INSR: variants seen among roughly 807,000 people sequenced by gnomAD.
INSR encodes the protein IR.
INSR carries 67 observed loss-of-function variants against 142.6 expected under a neutral mutation model. The ratio of observed to expected loss-of-function variants is 0.47; its 90% CI spans 0.39 to 0.58. The LOEUF (loss-of-function observed/expected upper bound fraction) is 0.58, where lower values mean the gene tolerates loss of function less well. Ranked by LOEUF, INSR falls within the 20% of genes least tolerant of loss-of-function variation. The pLI, the probability that INSR is intolerant of heterozygous loss-of-function variation, is 0.00. For missense variants in INSR, 1,248 were observed against 1,833.2 expected (o/e 0.68, Z 5.83); for synonymous variants, 756 against 743.1 (o/e 1.02, Z -0.28).
chr19:7,191,698 G>A (rs1159936479), intron 2 of INSR, among the ~76,000 whole-genome samples: 3 of 152,020 alleles, frequency 2.0e-5, no homozygotes, highest in South Asian at 2.1e-4. Flanking sequence ...GTGCACACCC[G>A]TAAACCAATA....
At position 7,174,526 on chromosome 19, in the gene INSR, G is replaced by A; in HGVS notation, c.1123+57C>T. On this transcript the variant is annotated intron_variant, in intron 4 of 21. Transcript: ENST00000302850. ...GCACTGCTTTTCTTCCCCGCTCACA[G>A]CTCAGAGGGACATGGAGCCCAACAG... 18 of 1,601,348 alleles carry A rather than the reference G, an allele frequency of 1.1e-5. No homozygotes were observed. In the South Asian group the frequency reaches 1.7e-4, roughly 15 times the overall value.
intron 1 of INSR, among the ~76,000 whole-genome samples, chr19:7,277,089 C>A (rs565765428): frequency 3.9e-4 from 59 of 152,158 alleles, no homozygotes; most frequent in African/African-American, 1.4e-3. Flanking sequence ...GAGATGAGAA[C>A]TGGGGTCTCT....
intron 2 of INSR, among the ~76,000 whole-genome samples, chr19:7,191,132 A>C (rs1033489159): frequency 6.6e-6 from 1 of 152,026 alleles, no homozygotes; most frequent in Non-Finnish European, 1.5e-5. Flanking sequence ...CCCCATCTCT[A>C]CTAAAAATAC....
chr19:7,250,598 G>GAA (rs1568218241), intron 2 of INSR, among the ~76,000 whole-genome samples: 25 of 118,914 alleles, frequency 2.1e-4, no homozygotes, highest in African/African-American at 7.4e-4. Context: ...AGGAAGGAAG[G>GAA]AGAGGAGGGA....
At chr19:7,144,121 C>T (rs1205980044) in intron 11 of INSR, among the ~76,000 whole-genome samples, 1 of 151,692 alleles carries the variant, frequency 6.6e-6, no homozygotes, top group African/African-American at 2.4e-5. Context: ...TTCCTTTGGA[C>T]AATTTTTTCC....
At chr19:7,204,349 C>T (rs1040877077) in intron 2 of INSR, among the ~76,000 whole-genome samples, 1 of 152,092 alleles carries the variant, frequency 6.6e-6, no homozygotes, top group Non-Finnish European at 1.5e-5. Flanking sequence ...GCCACCATGC[C>T]CAGCCTGGAA....
chr19:7,288,950 GAAAAAAAA>G (rs34590794), intron 1 of INSR, among the ~76,000 whole-genome samples: 1 of 88,694 alleles, frequency 1.1e-5, no homozygotes, highest in Non-Finnish European at 2.2e-5. Context: ...GTGAAGAAGT[GAAAAAAAA>G]AAAAAAAAAA....
At chr19:7,130,391 A>C (rs1215055010) in intron 14 of INSR, among the ~76,000 whole-genome samples, 2 of 152,204 alleles carry the variant, frequency 1.3e-5, no homozygotes, top group East Asian at 3.8e-4. Context: ...AACAGTAGAC[A>C]CCGGGACTGC....
intron 2 of INSR, among the ~76,000 whole-genome samples, chr19:7,217,848 C>T (rs1237432968): frequency 2.0e-5 from 3 of 152,238 alleles, no homozygotes; most frequent in East Asian, 1.9e-4. Flanking sequence ...CGTAAGCCAC[C>T]GCACCCGGCC....
chr19:7,253,766 C>T (rs908032704), intron 2 of INSR, among the ~76,000 whole-genome samples: 2 of 152,154 alleles, frequency 1.3e-5, no homozygotes, highest in South Asian at 4.1e-4. Flanking sequence ...TGGTGGCTCA[C>T]GCCTGTCATC....
chr19:7,259,577 G>A (rs562246443), intron 2 of INSR, among the ~76,000 whole-genome samples: 178 of 152,182 alleles, frequency 1.2e-3, no homozygotes, highest in Non-Finnish European at 2.1e-3. Flanking sequence ...CCAGCACTTT[G>A]GTAGGCCAAG....
Position 7,152,999 on chromosome 19 carries a change from CA to C in INSR, c.2030-73del, listed in dbSNP as rs1181397657. On this transcript the variant is annotated intron_variant, in intron 9 of 21. Coordinates refer to ENST00000302850, the MANE Select transcript of INSR (RefSeq NM_000208.4). ...CACACATACACACACACACACACCC[CA>C]CACACACACACACCACACACACACA... is the stretch of plus-strand genomic sequence containing the variant. 2,497 of 677,434 alleles carry C rather than the reference CA, an allele frequency of 3.7e-3. 17 individuals carry two copies. The highest frequency in any genetic ancestry group is 0.024 in the East Asian group (550 of 23,360). The allele number at this position is 677,434 out of a possible 1,614,324, so 42.0% of individuals were successfully genotyped here.
At chr19:7,197,819 CGA>C (rs1046835448) in intron 2 of INSR, among the ~76,000 whole-genome samples, 8 of 75,720 alleles carry the variant, frequency 1.1e-4, no homozygotes, top group Admixed American at 3.2e-4. Flanking sequence ...GGAGAGAGAG[CGA>C]GAGAGAGAGA....
chr19:7,269,644 T>C (rs946188109), intron 1 of INSR, among the ~76,000 whole-genome samples: 3 of 131,722 alleles, frequency 2.3e-5, no homozygotes, highest in Non-Finnish European at 4.7e-5. Flanking sequence ...TCCCAGTCAG[T>C]CACATCAACA....
intron 13 of INSR, among the ~76,000 whole-genome samples, chr19:7,133,376 T>C (rs1972832268): frequency 6.6e-6 from 1 of 152,216 alleles, no homozygotes; most frequent in Non-Finnish European, 1.5e-5. Context: ...TAAATCCTCA[T>C]CACTTCATGT....
chr19:7,253,111 C>CA (rs534566042), intron 2 of INSR, among the ~76,000 whole-genome samples: 2,527 of 136,740 alleles, frequency 0.018, 91 homozygotes, highest in African/African-American at 0.06. Context: ...GAGACTCCGC[C>CA]AAAAAAAAAA....
At chr19:7,224,939 C>G (rs2145109849) in intron 2 of INSR, among the ~76,000 whole-genome samples, 1 of 151,430 alleles carries the variant, frequency 6.6e-6, no homozygotes, top group South Asian at 2.1e-4. Flanking sequence ...GGTGGGGGAA[C>G]AGAGGAAAGA....
chr19:7,141,961 A>C, intron 12 of INSR, 145 bp from the exon 13 acceptor site: 1 of 713,488 alleles, frequency 1.4e-6, no homozygotes, highest in East Asian at 2.7e-5. Context: ...TCTAAAACTC[A>C]TCCCACAAGA....
chr19:7,206,088 G>A (rs1042022028), intron 2 of INSR, among the ~76,000 whole-genome samples: 1 of 152,276 alleles, frequency 6.6e-6, no homozygotes, highest in East Asian at 1.9e-4. Context: ...TACTGGAGGG[G>A]ATGACGCACA....
Sources: allele counts gnomAD v4.1 joint callset (sites outside exome capture counted in the v4.1 genomes callset), GRCh38; gene constraint gnomAD v4.1.1; transcripts MANE v1.5; gene names NCBI Gene and HGNC (gene_info 2026-07-23, HGNC 2026-07-21).